The following THRAP3 variants were observed in gnomAD, a reference collection of about 807,000 sequenced individuals.
THRAP3 encodes the protein thyroid hormone receptor associated protein 3.
A neutral mutation model predicts 101.0 loss-of-function variants in THRAP3; 16 were observed. The observed-to-expected ratio is 0.16, with a 90% CI of 0.11 to 0.24. THRAP3 has a LOEUF of 0.24. Among genes scored for constraint, THRAP3 ranks in the 10% least tolerant of loss-of-function variants. THRAP3 has a pLI of 1.00. For synonymous variants in THRAP3, 407 were observed against 422.6 expected, an observed-to-expected ratio of 0.96 and a Z score of 0.45; for missense variants, 989 against 1,202.7, an observed-to-expected ratio of 0.82 and a Z score of 2.63.
rs71053920 is a variant in THRAP3 at position 36,293,028 on chromosome 1, C to CT, written c.2030+337dup. 6.8e-3 allele frequency among the ~76,000 whole-genome samples: 561 copies of CT among 82,820 alleles called. 40 individuals carry two copies. Among genetic ancestry groups the CT allele is most frequent in the African/African-American group, 0.019 (454 of 23,724 alleles). The allele number at this position is 82,820 out of a possible 152,430, so 54.3% of individuals were successfully genotyped here. A position where few individuals can be genotyped will look rare whatever the true frequency, so the allele number is the denominator to read the frequency against. On this transcript the variant is annotated intron_variant, in intron 7 of 11. Transcript: ENST00000354618. Reference sequence around the variant, plus strand: ...AGTAAATGCTAGTTTCTTTTCTTGTCTTTTTTTTTTTTTTTTTTGAGATGG... The same window carrying CT: ...AGTAAATGCTAGTTTCTTTTCTTGTCTTTTTTTTTTTTTTTTTTTGAGATGG...
At chr1:36,233,453 C>T (rs971480453) in intron 1 of THRAP3, among the ~76,000 whole-genome samples, 1 of 150,818 alleles carries the variant, frequency 6.6e-6, no homozygotes, top group African/African-American at 2.4e-5. Context: ...TTGCAGTGAA[C>T]GGAGATCGTG....
At chr1:36,249,995 C>G (rs1316744394) in intron 1 of THRAP3, among the ~76,000 whole-genome samples, 2 of 151,920 alleles carry the variant, frequency 1.3e-5, no homozygotes, top group East Asian at 3.9e-4. Flanking sequence ...AATTTGGTCT[C>G]TTGTTTATAG....
intron 2 of THRAP3, among the ~76,000 whole-genome samples, chr1:36,264,018 G>A (rs1645481522): frequency 6.6e-6 from 1 of 152,210 alleles, no homozygotes; most frequent in African/African-American, 2.4e-5. Context: ...TGCTGTGTAG[G>A]AAGATACCTG....
intron 5 of THRAP3, among the ~76,000 whole-genome samples, chr1:36,290,602 A>G (rs1645855862): frequency 6.6e-6 from 1 of 152,106 alleles, no homozygotes; most frequent in East Asian, 1.9e-4. Flanking sequence ...AGTAGTTGGG[A>G]TTACACGCAC....
At chr1:36,273,967 C>T (rs1645621600) in intron 2 of THRAP3, among the ~76,000 whole-genome samples, 1 of 151,466 alleles carries the variant, frequency 6.6e-6, no homozygotes, top group African/African-American at 2.4e-5. Flanking sequence ...TGCTTGAACC[C>T]AGGAGGTGGA....
At chr1:36,279,172 T>C (rs1253246206) in intron 2 of THRAP3, among the ~76,000 whole-genome samples, 5 of 152,204 alleles carry the variant, frequency 3.3e-5, no homozygotes, top group East Asian at 1.9e-4. Flanking sequence ...TTCTAGTTTC[T>C]GAGTGTTGAA....
At chr1:36,277,321 G>T (rs1232710141) in intron 2 of THRAP3, among the ~76,000 whole-genome samples, 2 of 151,016 alleles carry the variant, frequency 1.3e-5, no homozygotes, top group African/African-American at 2.4e-5. Context: ...TGTCACCCAG[G>T]CTGGAGTGCA....
intron 9 of THRAP3, among the ~76,000 whole-genome samples, chr1:36,298,120 C>G (rs980946743): frequency 1.3e-4 from 16 of 127,260 alleles, no homozygotes; most frequent in African/African-American, 3.2e-4. Flanking sequence ...GCATTCCAGC[C>G]TAGGCGACAG....
At chr1:36,229,952 T>A (rs77347176) in intron 1 of THRAP3, among the ~76,000 whole-genome samples, 1 of 2,772 alleles carries the variant, frequency 3.6e-4, no homozygotes, top group Admixed American at 0.011. Flanking sequence ...GCGCCCAGCC[T>A]TTTTTTTTTT....
At chr1:36,292,540 G>A (rs1645889765) in intron 6 of THRAP3, 58 bp from the exon 7 acceptor site, 3 of 1,382,928 alleles carry the variant, frequency 2.2e-6, no homozygotes, top group East Asian at 4.7e-5. Context: ...AAAGTGGTGG[G>A]ATTATAGGCT....
intron 1 of THRAP3, among the ~76,000 whole-genome samples, chr1:36,231,899 G>T (rs1198680451): frequency 2.6e-5 from 4 of 152,100 alleles, no homozygotes; most frequent in African/African-American, 9.7e-5. Flanking sequence ...TCAGATTCCG[G>T]TGTTGGGTTG....
chr1:36,222,665 T>G (rs1557798286), upstream of THRAP3, among the ~76,000 whole-genome samples: 1 of 152,076 alleles, frequency 6.6e-6, no homozygotes, highest in Non-Finnish European at 1.5e-5. Flanking sequence ...GCCTCGGTTC[T>G]CCCAAAGCGT....
At chr1:36,250,118 A>C (rs1443162528) in intron 1 of THRAP3, among the ~76,000 whole-genome samples, 1 of 152,002 alleles carries the variant, frequency 6.6e-6, no homozygotes, top group Non-Finnish European at 1.5e-5. Context: ...CATAAGGTAG[A>C]CTCTGGATAT....
At chr1:36,224,580 C>T (rs533238266) in intron 1 of THRAP3, 75 bp downstream of exon 1, 1 of 152,756 alleles carries the variant, frequency 6.5e-6, no homozygotes, top group Non-Finnish European at 1.5e-5. Flanking sequence ...CTTTTTTCCC[C>T]AGCTGCTGGT....
At chr1:36,242,074 T>C (rs1037449571) in intron 1 of THRAP3, 5 of 175,696 alleles carry the variant, frequency 2.8e-5, no homozygotes, top group Non-Finnish European at 6.5e-5. Flanking sequence ...CCATTCATAA[T>C]AATTTTTGTT....
At chr1:36,214,061 AGAAAGAC>A in the THRAP3 span, among the ~76,000 whole-genome samples, 3 of 149,062 alleles carry the variant, frequency 2.0e-5, no homozygotes, top group Admixed American at 1.4e-4. Context: ...AAAGAAAGAA[AGAAAGAC>A]AACTCCTAAC....
intron 1 of THRAP3, among the ~76,000 whole-genome samples, chr1:36,241,419 A>G (rs1410187691): frequency 2.1e-5 from 3 of 140,612 alleles, no homozygotes; most frequent in African/African-American, 8.5e-5. Flanking sequence ...ATATATATAT[A>G]TATATATATA....
intron 1 of THRAP3, among the ~76,000 whole-genome samples, chr1:36,254,771 TGAA>T (rs1645351564): frequency 6.6e-6 from 1 of 152,188 alleles, no homozygotes; most frequent in Non-Finnish European, 1.5e-5. Flanking sequence ...TAACCTCTAA[TGAA>T]GTATTTTTTT....
chr1:36,236,582 T>C (rs1645091113), intron 1 of THRAP3, among the ~76,000 whole-genome samples: 1 of 151,970 alleles, frequency 6.6e-6, no homozygotes, highest in Non-Finnish European at 1.5e-5. Flanking sequence ...AGGCTTAAGC[T>C]ACCACTGCAC....
Sources: allele counts gnomAD v4.1 joint callset (sites outside exome capture counted in the v4.1 genomes callset), GRCh38; gene constraint gnomAD v4.1.1; transcripts MANE v1.5; gene names NCBI Gene and HGNC (gene_info 2026-07-23, HGNC 2026-07-21).